The following DDB2 variants were observed in gnomAD, a reference collection of about 807,000 sequenced individuals.
DDB2 encodes the protein damage specific DNA binding protein 2.
In DDB2, 27 loss-of-function variants were observed where a neutral mutation model predicts 50.5. The observed-to-expected ratio is 0.53, with a 90% confidence interval of 0.39 to 0.74. The LOEUF (loss-of-function observed/expected upper bound fraction) is 0.74. Among genes scored for constraint, DDB2 ranks in the 30% least tolerant of loss-of-function variants. The pLI, the probability that DDB2 is intolerant of heterozygous loss-of-function variation, is 0.00. For missense variants in DDB2, 424 were observed against 545.6 expected (o/e 0.78, Z 2.22); for synonymous variants, 176 against 205.5 (o/e 0.86, Z 1.23).
intron 4 of DDB2, 121 bp downstream of exon 4, chr11:47,233,080 A>C: frequency 2.6e-6 from 3 of 1,167,650 alleles, no homozygotes; most frequent in Non-Finnish European, 1.3e-6. Flanking sequence ...GATGTCAGCC[A>C]CTTTCCGCCC....
At chr11:47,231,060 C>CAAA (rs2135506228) in intron 3 of DDB2, among the ~76,000 whole-genome samples, 1 of 131,702 alleles carries the variant, frequency 7.6e-6, no homozygotes, top group African/African-American at 2.9e-5. Flanking sequence ...GTGGAGGCTG[C>CAAA]AGTGAGCTGA....
In DDB2 at chr11:47,215,191, C is replaced by G; in HGVS notation, c.55C>G (p.Pro19Ala). The stretch of plus-strand genomic sequence containing the variant: ...GAAGACCTCCGAGATTGTATTACGC[C>G]CCAGGAACAAGAGGAGCAGGAGTCC... ...TQKTSEIVLR[P>A]RNKRSRSPLE... Residue 19 changes from proline (P) to alanine (A), a missense_variant, in exon 1 of 10, where the codon CCC (proline) becomes GCC (alanine). Pro to Ala is a conservative substitution (Grantham distance 27). Transcript: ENST00000256996. 1.2e-6 allele frequency: 2 copies of G among 1,614,056 alleles called. No homozygotes were observed. Among genetic ancestry groups the G allele is most frequent in the Non-Finnish European group, 1.7e-6 (2 of 1,180,026 alleles).
chr11:47,235,038 A>T, intron 6 of DDB2, 104 bp downstream of exon 6: 1 of 1,396,892 alleles, frequency 7.2e-7, no homozygotes, highest in Non-Finnish European at 1.0e-6. Context: ...TTTACCCCTG[A>T]TAGCGTCTGC....
chr11:47,234,822 G>A lies in DDB2; in HGVS notation c.768G>A (p.Trp256Ter). The stretch of plus-strand genomic sequence containing the variant: ...TGGCCCTGAACCCATGCTGTGATTG[G>A]TTCCTGGCCACAGCCTCCGTAGATC... ...THVALNPCCDWFLATASVDQT... is the reference protein window; with the variant it reads ...THVALNPCCD Residue 256 changes from tryptophan to a stop codon, truncating the protein, a stop_gained, in exon 6 of 10, where the codon TGG becomes TGA. Transcript: ENST00000256996. LOFTEE classifies it high-confidence loss of function. 6.2e-7 allele frequency: 1 copy of A among 1,614,210 alleles called. No homozygotes were observed. The highest frequency in any genetic ancestry group is 1.1e-5 in the South Asian group (1 of 91,090).
chr11:47,233,128 A>T, intron 4 of DDB2, 169 bp downstream of exon 4: 1 of 805,608 alleles, frequency 1.2e-6, no homozygotes, highest in South Asian at 1.4e-5. Flanking sequence ...GGCTGCCCTC[A>T]CTTTGGTCCA....
At chr11:47,229,797 A>C (rs1463571624) in intron 3 of DDB2, 1 of 408,466 alleles carries the variant, frequency 2.4e-6, no homozygotes, top group African/African-American at 2.2e-5. Context: ...ATCTCACCCT[A>C]TGCTTAATTT....
At position 47,238,300 on chromosome 11, in the gene DDB2, G is replaced by T. The variant is rs77749591; in HGVS notation, c.1234+117G>T. On this transcript the variant is annotated intron_variant, in intron 9 of 9. Coordinates refer to ENST00000256996, the MANE Select transcript of DDB2 (RefSeq NM_000107.3). ...TCACCCCAGGGCAGTGGCCCACGAA[G>T]AAGATGGCTGGGAGACAGTGGTCTC... The T allele has an allele frequency of 3.7e-4, 348 of 932,490 alleles. 1 individual carries two copies. In the African/African-American group the frequency reaches 5.2e-3, roughly 14 times the overall value. The allele number at this position is 932,490 out of a possible 1,614,324, so 57.8% of individuals were successfully genotyped here. A position where few individuals can be genotyped will look rare whatever the true frequency, so the allele number is the denominator to read the frequency against.
At chr11:47,224,144 C>T (rs1953525565) in intron 3 of DDB2, among the ~76,000 whole-genome samples, 1 of 152,114 alleles carries the variant, frequency 6.6e-6, no homozygotes, top group Non-Finnish European at 1.5e-5. Flanking sequence ...TCCTTATGTT[C>T]CTGTCTATGT....
chr11:47,235,549 T>G, intron 7 of DDB2, 137 bp downstream of exon 7: 1 of 852,364 alleles, frequency 1.2e-6, no homozygotes, highest in Non-Finnish European at 1.9e-6. Context: ...AGAGCATCTC[T>G]TACCCATTGG....
intron 1 of DDB2, chr11:47,216,065 T>C: frequency 1.1e-5 from 6 of 552,176 alleles, no homozygotes; most frequent in South Asian, 9.6e-5. Flanking sequence ...CCTTGTGTGT[T>C]TCTTTGGCTG....
At chr11:47,235,216 A>G in intron 6 of DDB2, 54 bp from the exon 7 acceptor site, 1 of 1,612,934 alleles carries the variant, frequency 6.2e-7, no homozygotes, top group Admixed American at 1.7e-5. Flanking sequence ...CTGCAAGGCC[A>G]GGACCACAGA....
chr11:47,229,376 AG>A (rs1300802174), intron 3 of DDB2, among the ~76,000 whole-genome samples: 1 of 151,952 alleles, frequency 6.6e-6, no homozygotes, highest in Non-Finnish European at 1.5e-5. Context: ...TTGCATGGAG[AG>A]GGGCGGCCGT....
chr11:47,232,194 T>C (rs577032250), intron 3 of DDB2, among the ~76,000 whole-genome samples: 8 of 151,650 alleles, frequency 5.3e-5, no homozygotes, highest in African/African-American at 1.5e-4. Context: ...AAATATACAA[T>C]TTAGCCATGC....
intron 3 of DDB2, 43 bp downstream of exon 3, chr11:47,217,092 T>A (rs190052956): frequency 1.3e-6 from 2 of 1,575,454 alleles, no homozygotes; most frequent in African/African-American, 1.3e-5. Context: ...GAAGTGTTTG[T>A]TGGCTGGGTG....
intron 3 of DDB2, among the ~76,000 whole-genome samples, chr11:47,227,341 AG>A (rs1312879847): frequency 6.6e-6 from 1 of 151,676 alleles, no homozygotes; most frequent in African/African-American, 2.4e-5. Context: ...TCCTGACCTC[AG>A]GTGATCTACC....
chr11:47,215,578 G>C, intron 1 of DDB2: 1 of 402,450 alleles, frequency 2.5e-6, no homozygotes, highest in Non-Finnish European at 4.7e-6. Flanking sequence ...GTGTGTGCTG[G>C]ATTTCATAGT....
rs371704632 is a variant in DDB2, at chr11:47,215,447, A to G, written c.127+184A>G. The G allele has an allele frequency of 1.9e-5, 14 of 747,084 alleles. No homozygotes were observed. The South Asian group carries it at 2.1e-4, about 11-fold the overall frequency. The allele number at this position is 747,084 out of a possible 1,614,324, so 46.3% of individuals were successfully genotyped here. A position where few individuals can be genotyped will look rare whatever the true frequency, so the allele number is the denominator to read the frequency against. Reference sequence around the variant, plus strand: ...TTTAGGTTTCAACACCTCTCCCGCTAGGTAACAGGAAGCAGATGAGCTCCG... The same window carrying G: ...TTTAGGTTTCAACACCTCTCCCGCTGGGTAACAGGAAGCAGATGAGCTCCG... On this transcript the variant is annotated intron_variant, in intron 1 of 9. Coordinates refer to ENST00000256996, the MANE Select transcript of DDB2 (RefSeq NM_000107.3).
intron 1 of DDB2, 176 bp downstream of exon 1, chr11:47,215,439 C>T (rs1953387172): frequency 1.2e-6 from 1 of 805,216 alleles, no homozygotes; most frequent in Non-Finnish European, 2.0e-6. Flanking sequence ...TTCAACACCT[C>T]TCCCGCTAGG....
At chr11:47,224,011 G>T (rs2135495022) in intron 3 of DDB2, among the ~76,000 whole-genome samples, 1 of 151,576 alleles carries the variant, frequency 6.6e-6, no homozygotes, top group East Asian at 1.9e-4. Flanking sequence ...TGAGGTGGGA[G>T]AATTGCTTAA....
Sources: gnomAD v4.1 joint callset for allele counts (sites outside exome capture counted in the v4.1 genomes callset) on GRCh38, gnomAD v4.1.1 for gene constraint, MANE v1.5 for transcripts, NCBI Gene and HGNC (gene_info 2026-07-23, HGNC 2026-07-21) for gene names.